RBM6: variants seen among roughly 807,000 people sequenced by gnomAD.
RBM6 encodes the protein RNA binding motif protein 6, also known as RNA-binding protein 6.
RBM6 carries 23 observed loss-of-function variants against 140.4 expected under a neutral mutation model. The observed-to-expected ratio is 0.16, with a 90% confidence interval of 0.12 to 0.23. The LOEUF (loss-of-function observed/expected upper bound fraction) is 0.23. RBM6 is among the 10% of genes least tolerant of loss of function. RBM6 has a pLI of 1.00. For synonymous variants in RBM6, 439 were observed against 475.6 expected (o/e 0.92, Z 1.00); for missense variants, 1,139 against 1,386.7 (o/e 0.82, Z 2.84).
At position 49,972,131 on chromosome 3, in the gene RBM6, G is replaced by A. The variant is rs2108645622; in HGVS notation, c.1396G>A (p.Asp466Asn). ...TATTCGATTAAGTGGGGTACCTGAAGATGCCACAAAAGAAGAGGTAAGGCA... is the reference window on the plus strand; with the variant it reads ...TATTCGATTAAGTGGGGTACCTGAAAATGCCACAAAAGAAGAGGTAAGGCA... ...RLIRLSGVPE[D>N]ATKEEILNAF... The change falls in exon 4 of 21, where the codon GAT (aspartate) becomes AAT (asparagine). Residue 466 changes from aspartate to asparagine, a missense_variant. Around this residue, in one of 9 missense-constraint regions of RBM6, gnomAD observed 566 missense variants for 612.7 expected, o/e 0.92. Transcript: ENST00000266022. 1 of 1,612,018 alleles carries A rather than the reference G, an allele frequency of 6.2e-7. No individual in the cohort carries two copies. Among genetic ancestry groups the A allele is most frequent in the African/African-American group, 1.3e-5 (1 of 74,970 alleles).
At chr3:50,059,562 C>T (rs1559643191) in intron 10 of RBM6, 87 bp from the exon 11 acceptor site, 8 of 1,061,704 alleles carry the variant, frequency 7.5e-6, no homozygotes, top group East Asian at 2.5e-5. Context: ...GGAAAATCCA[C>T]GTTCACTTCT....
At chr3:49,987,196 C>T (rs188418302) in intron 5 of RBM6, among the ~76,000 whole-genome samples, 7 of 152,222 alleles carry the variant, frequency 4.6e-5, no homozygotes, top group African/African-American at 1.7e-4. Flanking sequence ...CCTCAGCCTC[C>T]CAAGTAGCCT....
At chr3:49,972,233 A>C in intron 4 of RBM6, 85 bp downstream of exon 4, 1 of 1,065,574 alleles carries the variant, frequency 9.4e-7, no homozygotes, top group South Asian at 1.5e-5. Context: ...GATTCACAAG[A>C]AGGTGCAAAG....
At chr3:50,000,369 C>T (rs1321004263) in intron 6 of RBM6, among the ~76,000 whole-genome samples, 31 of 146,618 alleles carry the variant, frequency 2.1e-4, no homozygotes, top group African/African-American at 7.8e-4. Flanking sequence ...TTTAATGTAC[C>T]CACTGCCTAT....
Position 50,060,550 on chromosome 3 carries a change from A to G in RBM6, c.2229-406A>G, listed in dbSNP as rs570510259. On this transcript the variant is annotated intron_variant, in intron 11 of 20. Coordinates refer to ENST00000266022, the MANE Select transcript of RBM6 (RefSeq NM_005777.3). ...ATCATGAGGTCAGGAGATTGAGATC[A>G]TCCTGGCTAACACGGTAAAACCCCG... 1.3e-3 allele frequency among the ~76,000 whole-genome samples: 190 copies of G among 151,322 alleles called. 1 individual carries two copies. Among genetic ancestry groups the G allele is most frequent in the Non-Finnish European group, 2.3e-3 (158 of 67,858 alleles).
chr3:50,010,390 G>T (rs1221892180), intron 6 of RBM6, among the ~76,000 whole-genome samples: 1 of 152,124 alleles, frequency 6.6e-6, no homozygotes, highest in African/African-American at 2.4e-5. Context: ...GGTGGCCGGG[G>T]AGTCGGGGGG....
intron 11 of RBM6, 38 bp downstream of exon 11, chr3:50,059,784 A>G: frequency 6.5e-7 from 1 of 1,533,482 alleles, no homozygotes; most frequent in Non-Finnish European, 8.9e-7. Flanking sequence ...TGCTGCCCCC[A>G]CTTGTGTTTT....
chr3:50,075,433 T>C (rs2090432046), intron 20 of RBM6, 103 bp downstream of exon 20: 4 of 1,458,154 alleles, frequency 2.7e-6, no homozygotes, highest in Non-Finnish European at 3.7e-6. Flanking sequence ...CTGGGCTTTC[T>C]CTACTGCTGG....
intron 6 of RBM6, among the ~76,000 whole-genome samples, chr3:50,026,666 C>G (rs978977840): frequency 5.3e-5 from 8 of 150,810 alleles, no homozygotes; most frequent in African/African-American, 1.9e-4. Context: ...AAATATAGGA[C>G]TTTGGGAGGC....
chr3:50,061,399 G>T, intron 13 of RBM6, 63 bp from the exon 14 acceptor site: 1 of 1,581,390 alleles, frequency 6.3e-7, no homozygotes, highest in Non-Finnish European at 8.6e-7. Context: ...GGTTCTTGAT[G>T]AGTCTCCAGT....
chr3:50,055,357 G>A (rs970575528), intron 8 of RBM6, among the ~76,000 whole-genome samples: 1 of 152,156 alleles, frequency 6.6e-6, no homozygotes, highest in Admixed American at 6.5e-5. Context: ...TTGAACCCAG[G>A]AGTCAGAGGT....
chr3:50,021,681 A>G (rs1432163727), intron 6 of RBM6, among the ~76,000 whole-genome samples: 2 of 150,392 alleles, frequency 1.3e-5, no homozygotes, highest in African/African-American at 2.4e-5. Context: ...ACCTATGTAC[A>G]TACATACATT....
At chr3:50,065,740 C>T (rs574170629) in intron 16 of RBM6, 235 of 431,354 alleles carry the variant, frequency 5.4e-4, no homozygotes, top group Non-Finnish European at 9.3e-4. Context: ...TTTCCTGCTC[C>T]GCATTATTAA....
Position 49,968,728 on chromosome 3 carries a change from G to A in RBM6, c.1303G>A (p.Asp435Asn), listed in dbSNP as rs764360470. Residue 435 changes from aspartate to asparagine, a missense_variant, in exon 3 of 21, where the codon GAT (aspartate) becomes AAT (asparagine). Around this residue, in one of 9 missense-constraint regions of RBM6, gnomAD observed 566 missense variants for 612.7 expected, o/e 0.92. Transcript: ENST00000266022. ...KSFPEGKTAR[D>N]AQRDLQDQDY... ...TTTTCCAGAGGGCAAAACTGCCCGA[G>A]ATGCCCAACGGGACCTTCAGGTATG... 3.4e-5 allele frequency: 52 copies of A among 1,513,464 alleles called. No individual in the cohort carries two copies. The highest frequency in any genetic ancestry group is 4.5e-5 in the Non-Finnish European group (50 of 1,120,208). 93.8% of individuals were successfully genotyped at this position (1,513,464 alleles called of 1,614,324 possible).
intron 19 of RBM6, among the ~76,000 whole-genome samples, 189 bp downstream of exon 19, chr3:50,070,741 A>C (rs1269787858): frequency 6.6e-6 from 1 of 152,196 alleles, no homozygotes; most frequent in Non-Finnish European, 1.5e-5. Flanking sequence ...TGTACATGGA[A>C]GGTTGGCTGG....
intron 6 of RBM6, among the ~76,000 whole-genome samples, chr3:50,002,531 G>A (rs917403801): frequency 3.3e-5 from 5 of 151,906 alleles, no homozygotes; most frequent in African/African-American, 1.2e-4. Flanking sequence ...CAAAGTGCTG[G>A]GACTGCAGGC....
intron 5 of RBM6, among the ~76,000 whole-genome samples, chr3:49,992,019 A>G (rs997738351): frequency 2.6e-5 from 4 of 151,940 alleles, no homozygotes; most frequent in Non-Finnish European, 5.9e-5. Context: ...TGGCAAAGTC[A>G]TGGCTCACTG....
rs879488349 is a variant in RBM6 at position 50,033,641 on chromosome 3, GTTTTTTCTT to G, written c.1558-14589_1558-14581del. Among the ~76,000 whole-genome samples, 251 of 151,788 alleles carry G rather than the reference GTTTTTTCTT, an allele frequency of 1.7e-3. 2 individuals carry two copies. Among genetic ancestry groups the G allele is most frequent in the Non-Finnish European group, 2.6e-3 (176 of 67,862 alleles). ...TTTTGCCTGAGCAGCTTTGGATATG[GTTTTTTCTT>G]TTTTTTCTTTTTTTGAGATGGAGTC... On this transcript the variant is annotated intron_variant, in intron 6 of 20. Coordinates refer to ENST00000266022, the MANE Select transcript of RBM6 (RefSeq NM_005777.3).
At chr3:49,996,437 C>T (rs2086091562) in intron 5 of RBM6, among the ~76,000 whole-genome samples, 1 of 152,098 alleles carries the variant, frequency 6.6e-6, no homozygotes, top group Non-Finnish European at 1.5e-5. Flanking sequence ...AGCCCTTTTT[C>T]CCTATATACA....
Sources: allele counts gnomAD v4.1 joint callset (sites outside exome capture counted in the v4.1 genomes callset), GRCh38; gene constraint gnomAD v4.1.1; regional missense constraint gnomAD v4.1.1; transcripts MANE v1.5; gene names NCBI Gene and HGNC (gene_info 2026-07-23, HGNC 2026-07-21).